The following NR2F1 variants were observed in gnomAD, a reference collection of about 807,000 sequenced individuals.
NR2F1 encodes nuclear receptor subfamily 2 group F member 1.
In NR2F1, 1 loss-of-function variant was observed where a neutral mutation model predicts 37.7. The observed-to-expected ratio is 0.03, with a 90% confidence interval of 0.01 to 0.13. The LOEUF (loss-of-function observed/expected upper bound fraction) is 0.13. Ranked by LOEUF, NR2F1 falls within the 10% of genes least tolerant of loss-of-function variation. The pLI is 1.00. For missense variants in NR2F1, 268 were observed against 578.4 expected, an observed-to-expected ratio of 0.46 and a Z score of 5.50; for synonymous variants, 275 against 259.6, an observed-to-expected ratio of 1.06 and a Z score of -0.57.
chr5:93,585,923 T>C (rs1201664159), intron 1 of NR2F1, among the ~76,000 whole-genome samples: 1 of 151,854 alleles, frequency 6.6e-6, no homozygotes, highest in Non-Finnish European at 1.5e-5. Flanking sequence ...TTCATTCCAC[T>C]TTTCCCTCCA....
chr5:93,593,457 A>T lies in NR2F1; in HGVS notation c.992-105A>T. ...CTCTTTTACTTCTTTTTTATTTTCC[A>T]TTTTCTCCTTAAAAAAAATTGATGG... On this transcript the variant is annotated intron_variant, in intron 2 of 2. Transcript: ENST00000327111. This position sits in a 1 kb window ranked among gnomAD's most constrained non-coding sequence, Gnocchi z 5.6. The T allele has an allele frequency of 3.3e-6, 4 of 1,211,552 alleles. No individual in the cohort carries two copies. The highest frequency in any genetic ancestry group is 4.6e-6 in the Non-Finnish European group (4 of 865,614). 75.1% of individuals were successfully genotyped at this position (1,211,552 alleles called of 1,614,324 possible).
In NR2F1 at chr5:93,593,957, T is replaced by A; in HGVS notation, c.*115T>A. Reference sequence around the variant, plus strand: ...AGTGCAGCGGGCCAGGCAGGCTGGGTGGGAGGGAGGAGGGCCGAGACAGGA... The same window carrying A: ...AGTGCAGCGGGCCAGGCAGGCTGGGAGGGAGGGAGGAGGGCCGAGACAGGA... On this transcript the variant is annotated 3_prime_UTR_variant, in exon 3 of 3. Transcript: ENST00000327111. The surrounding 1 kb of genome is among the most constrained non-coding windows in gnomAD (Gnocchi z 5.6). 9.7e-7 allele frequency: 1 copy of A among 1,032,538 alleles called. No homozygotes were observed. The highest frequency in any genetic ancestry group is 1.4e-6 in the Non-Finnish European group (1 of 708,062). The allele number at this position is 1,032,538 out of a possible 1,614,324, so 64.0% of individuals were successfully genotyped here.
At position 93,587,958 on chromosome 5, in the gene NR2F1, G is replaced by A. The variant is rs370606773; in HGVS notation, c.505G>A (p.Gly169Ser). 13 of 1,606,726 alleles carry A rather than the reference G, an allele frequency of 8.1e-6. No homozygotes were observed. The highest frequency in any genetic ancestry group is 1.7e-4 in the Middle Eastern group (1 of 6,048). Residue 169 changes from glycine to serine, a missense_variant, in exon 2 of 3, where the codon GGC becomes AGC. Gly to Ser is a moderately conservative substitution (Grantham distance 56). Around this residue, in one of 5 missense-constraint regions of NR2F1, gnomAD observed 42 missense variants for 72.5 expected, o/e 0.58. Coordinates refer to ENST00000327111, the MANE Select transcript of NR2F1 (RefSeq NM_005654.6). ...GRMPPTQPNP[G>S]QYALTNGDPL... ...AATGCCTCCAACCCAGCCCAATCCA[G>A]GCCAGTACGCACTCACCAACGGGGA...
chr5:93,589,824 G>C (rs1445822341), intron 2 of NR2F1, among the ~76,000 whole-genome samples: 1 of 152,232 alleles, frequency 6.6e-6, no homozygotes, highest in Non-Finnish European at 1.5e-5. Context: ...ATATCGATCT[G>C]AACAGCAGAT....
At chr5:93,585,587 T>A in intron 1 of NR2F1, 101 bp downstream of exon 1, 7 of 941,428 alleles carry the variant, frequency 7.4e-6, no homozygotes, top group Non-Finnish European at 9.7e-6. Flanking sequence ...CTGGGGCTCC[T>A]GTGGTCCCGG....
intron 1 of NR2F1, chr5:93,587,158 G>A (rs1561524515): frequency 6.6e-6 from 1 of 152,204 alleles, no homozygotes; most frequent in Non-Finnish European, 1.5e-5. Context: ...CATTCACTGG[G>A]CAAAAGCTGG....
At chr5:93,587,523 C>T (rs567400174) in intron 1 of NR2F1, 1 of 192,908 alleles carries the variant, frequency 5.2e-6, no homozygotes, top group East Asian at 1.3e-4. Flanking sequence ...CAACCTTTCT[C>T]CGGTTTCGCC....
Position 93,588,079 on chromosome 5 carries a change from A to G in NR2F1, c.626A>G (p.Gln209Arg), listed in dbSNP as rs1753263222. 1 of 1,613,998 alleles carries G rather than the reference A, an allele frequency of 6.2e-7. No homozygotes were observed. Among genetic ancestry groups the G allele is most frequent in the African/African-American group, 1.3e-5 (1 of 74,924 alleles). ...TCGCGCTACGGCAGCCAGTGCATGC[A>G]GCCCAACAACATTATGGGCATCGAG... ...PTSRYGSQCM[Q>R]PNNIMGIENI... The change falls in exon 2 of 3, where the codon CAG (glutamine) becomes CGG (arginine). Residue 209 changes from glutamine to arginine, a missense_variant. Physicochemically the swap from Gln to Arg is conservative, Grantham distance 43. Around this residue, in one of 5 missense-constraint regions of NR2F1, gnomAD observed 42 missense variants for 72.5 expected, o/e 0.58. Coordinates refer to ENST00000327111, the MANE Select transcript of NR2F1 (RefSeq NM_005654.6).
chr5:93,592,654 C>T (rs1277307722), intron 2 of NR2F1, among the ~76,000 whole-genome samples: 1 of 131,720 alleles, frequency 7.6e-6, no homozygotes, highest in Non-Finnish European at 1.6e-5. Context: ...AGTCCCCCCT[C>T]AACTCCCCAC....
In NR2F1 at chr5:93,585,305, C is replaced by T. The variant is rs1753211000; in HGVS notation, c.282C>T (p.Ser94=). The T allele has an allele frequency of 1.2e-6, 2 of 1,610,626 alleles. No homozygotes were observed. Among genetic ancestry groups the T allele is most frequent in the Admixed American group, 1.7e-5 (1 of 59,598 alleles). Reference sequence around the variant, plus strand: ...GCGTGGTGTGCGGGGACAAGTCGAGCGGCAAGCACTACGGCCAATTCACCT... The same window carrying T: ...GCGTGGTGTGCGGGGACAAGTCGAGTGGCAAGCACTACGGCCAATTCACCT... ...IECVVCGDKS[S]GKHYGQFTCE... The change falls in exon 1 of 3, where the codon AGC becomes AGT. Residue 94 remains serine, a synonymous_variant. Transcript: ENST00000327111.
At chr5:93,592,940 G>A (rs1753358186) in intron 2 of NR2F1, among the ~76,000 whole-genome samples, 1 of 151,970 alleles carries the variant, frequency 6.6e-6, no homozygotes, top group African/African-American at 2.4e-5. Context: ...CTAAAGCGTG[G>A]GCTTCATCTG....
intron 1 of NR2F1, 114 bp downstream of exon 1, chr5:93,585,600 C>T (rs372815006): frequency 4.8e-6 from 4 of 829,756 alleles, no homozygotes; most frequent in South Asian, 1.8e-5. Flanking sequence ...GGTCCCGGCC[C>T]GTCCCAGCTT....
At chr5:93,592,354 C>T (rs1016465020) in intron 2 of NR2F1, among the ~76,000 whole-genome samples, 6 of 151,968 alleles carry the variant, frequency 3.9e-5, no homozygotes, top group African/African-American at 1.5e-4. Context: ...CTAAGGGCTC[C>T]TCTGTGATCT....
chr5:93,593,539 C>T lies in NR2F1; in HGVS notation c.992-23C>T. 1 of 1,603,744 alleles carries T rather than the reference C, an allele frequency of 6.2e-7. No individual in the cohort carries two copies. Among genetic ancestry groups the T allele is most frequent in the East Asian group, 2.2e-5 (1 of 44,598 alleles). ...CCGTGTGCTCCCTTTCCCTGTCTCTCCCTCCTGTGGCTGCTTGGGCAGACG... is the reference window on the plus strand; with the variant it reads ...CCGTGTGCTCCCTTTCCCTGTCTCTTCCTCCTGTGGCTGCTTGGGCAGACG... On this transcript the variant is annotated intron_variant, in intron 2 of 2. Coordinates refer to ENST00000327111, the MANE Select transcript of NR2F1 (RefSeq NM_005654.6). The surrounding 1 kb of genome is among the most constrained non-coding windows in gnomAD (Gnocchi z 5.6).
chr5:93,588,528 C>T, intron 2 of NR2F1, 84 bp downstream of exon 2: 1 of 1,013,632 alleles, frequency 9.9e-7, no homozygotes, highest in Non-Finnish European at 1.2e-6. Flanking sequence ...TTCGGAGCCT[C>T]CCGCGCGGCC....
chr5:93,584,925 CCCCCCTT>C lies in NR2F1; in HGVS notation c.-94_-88del, dbSNP rs1234445623. ...GGCGGGCCCCCCGCCCCCTCCCCCT[CCCCCCTT>C]CCCCTTCCCCTTCCCCTCCCAGCGC... is the stretch of plus-strand genomic sequence containing the variant. On this transcript the variant is annotated 5_prime_UTR_variant, in exon 1 of 3. Coordinates refer to ENST00000327111, the MANE Select transcript of NR2F1 (RefSeq NM_005654.6). The C allele has an allele frequency of 6.9e-6, 1 of 144,026 alleles. No homozygotes were observed. The highest frequency in any genetic ancestry group is 1.5e-5 in the Non-Finnish European group (1 of 64,900). The allele number at this position is 144,026 out of a possible 1,614,324, so 8.9% of individuals were successfully genotyped here.
intron 1 of NR2F1, 63 bp from the exon 2 acceptor site, chr5:93,587,854 C>A: frequency 6.8e-7 from 1 of 1,480,724 alleles, no homozygotes; most frequent in Non-Finnish European, 9.1e-7. Context: ...TACGCTGCGG[C>A]GCGGCAATGT....
chr5:93,592,204 T>G (rs1004635055), intron 2 of NR2F1: 1 of 152,186 alleles, frequency 6.6e-6, no homozygotes, highest in Non-Finnish European at 1.5e-5. Flanking sequence ...TTTGAATCAT[T>G]TGTTGTGTCT....
chr5:93,585,631 C>G, intron 1 of NR2F1, 145 bp downstream of exon 1: 1 of 681,268 alleles, frequency 1.5e-6, no homozygotes, highest in Non-Finnish European at 2.5e-6. Flanking sequence ...GGCTGCCTTC[C>G]TCCCCCGGCG....
Sources: allele counts gnomAD v4.1 joint callset (sites outside exome capture counted in the v4.1 genomes callset), GRCh38; gene constraint gnomAD v4.1.1; regional missense constraint gnomAD v4.1.1; non-coding constraint Gnocchi (gnomAD v3.1); transcripts MANE v1.5; gene names NCBI Gene and HGNC (gene_info 2026-07-23, HGNC 2026-07-21).